Variants in FLYWCH1 observed in about 807,000 individuals in gnomAD.
The protein encoded by FLYWCH1 is FLYWCH-type zinc finger 1.
In FLYWCH1, 75 loss-of-function variants were observed where a neutral mutation model predicts 66.4. The ratio of observed to expected loss-of-function variants is 1.13; its 90% confidence interval spans 0.94 to 1.37. The LOEUF (loss-of-function observed/expected upper bound fraction) is 1.37, where lower values mean the gene tolerates loss of function less well. Among genes scored for constraint, FLYWCH1 ranks in the 40% most tolerant of loss-of-function variants. FLYWCH1 has a pLI of 0.00. For missense variants in FLYWCH1, 1,334 were observed against 1,001.8 expected (o/e 1.33, Z -4.48); for synonymous variants, 595 against 429.9 (o/e 1.38, Z -4.75).
At chr16:2,948,384 C>T (rs2071570732) in intron 9 of FLYWCH1, among the ~76,000 whole-genome samples, 1 of 151,816 alleles carries the variant, frequency 6.6e-6, no homozygotes, top group Non-Finnish European at 1.5e-5. Context: ...CATGGTGAAA[C>T]CCCGTCTCTA....
At chr16:2,925,634 T>G (rs1019899298) in intron 2 of FLYWCH1, among the ~76,000 whole-genome samples, 2 of 150,524 alleles carry the variant, frequency 1.3e-5, no homozygotes, top group African/African-American at 4.8e-5. Flanking sequence ...GCCGCTCTGC[T>G]CGAGAGGCGC....
At chr16:2,912,849 C>T (rs2070038280) in intron 1 of FLYWCH1, among the ~76,000 whole-genome samples, 2 of 152,212 alleles carry the variant, frequency 1.3e-5, no homozygotes, top group Admixed American at 1.3e-4. Context: ...GGAAGCTGAA[C>T]TCCCATAGTC....
intron 2 of FLYWCH1, 61 bp from the exon 3 acceptor site, chr16:2,929,552 A>T: frequency 8.4e-7 from 1 of 1,194,246 alleles, no homozygotes; most frequent in East Asian, 2.6e-5. Context: ...TCCCTCCCAG[A>T]TCCACGTCTA....
At position 2,937,034 on chromosome 16, in the gene FLYWCH1, C is replaced by T. The variant is rs749968468; in HGVS notation, c.1514-87C>T. Reference sequence around the variant, plus strand: ...CCTCACTGTGAGGAGGAGGTGTGGGCGTTGTGGGAGGTCTCATCTCGGGGC... The same window carrying T: ...CCTCACTGTGAGGAGGAGGTGTGGGTGTTGTGGGAGGTCTCATCTCGGGGC... On this transcript the variant is annotated intron_variant, in intron 6 of 9. Coordinates refer to ENST00000253928, the MANE Select transcript of FLYWCH1 (RefSeq NM_001308068.2). 6.4e-6 allele frequency: 9 copies of T among 1,406,488 alleles called. No individual in the cohort carries two copies. In the Admixed American group the frequency reaches 1.0e-4, roughly 16 times the overall value. The allele number at this position is 1,406,488 out of a possible 1,614,324, so 87.1% of individuals were successfully genotyped here. A position where few individuals can be genotyped will look rare whatever the true frequency, so the allele number is the denominator to read the frequency against.
intron 2 of FLYWCH1, among the ~76,000 whole-genome samples, chr16:2,920,767 C>T (rs749288550): frequency 6.6e-6 from 1 of 151,466 alleles, no homozygotes; most frequent in Non-Finnish European, 1.5e-5. Flanking sequence ...TCTCAAACTC[C>T]CCACCTCAGG....
chr16:2,923,499 G>A (rs1268105633), intron 2 of FLYWCH1, among the ~76,000 whole-genome samples: 2 of 152,244 alleles, frequency 1.3e-5, no homozygotes, highest in East Asian at 3.9e-4. Context: ...GCCCGCCTCA[G>A]CCTCCCAAAG....
intron 2 of FLYWCH1, among the ~76,000 whole-genome samples, chr16:2,927,562 T>C (rs2070614515): frequency 6.6e-6 from 1 of 152,206 alleles, no homozygotes. Context: ...GCTATCCTAA[T>C]GGCTCAAGCA....
intron 9 of FLYWCH1, among the ~76,000 whole-genome samples, chr16:2,948,012 G>C (rs1207674788): frequency 6.6e-6 from 1 of 152,084 alleles, no homozygotes; most frequent in Non-Finnish European, 1.5e-5. Flanking sequence ...CTGCACTCCA[G>C]CCTGGGTGAC....
chr16:2,930,085 C>A, intron 3 of FLYWCH1, 75 bp downstream of exon 3: 3 of 1,296,618 alleles, frequency 2.3e-6, no homozygotes, highest in Non-Finnish European at 3.2e-6. Context: ...GTACACCCTG[C>A]TTCAAGCATA....
intron 7 of FLYWCH1, 109 bp from the exon 8 acceptor site, chr16:2,938,074 TA>T: frequency 9.2e-7 from 1 of 1,088,284 alleles, no homozygotes; most frequent in Middle Eastern, 3.1e-4. Flanking sequence ...TGCAGCGTGC[TA>T]GGGGATCGCA....
chr16:2,930,351 G>A (rs2070716604), intron 3 of FLYWCH1, 59 bp from the exon 4 acceptor site: 2 of 1,116,632 alleles, frequency 1.8e-6, no homozygotes, highest in East Asian at 5.4e-5. Flanking sequence ...CTGGCTCTCT[G>A]TGCCTGCGAC....
intron 2 of FLYWCH1, among the ~76,000 whole-genome samples, chr16:2,919,817 TA>T (rs2070305863): frequency 2.0e-5 from 3 of 152,154 alleles, no homozygotes; most frequent in Admixed American, 2.0e-4. Context: ...ACCAAGGCAA[TA>T]GGAACATTTC....
intron 9 of FLYWCH1, among the ~76,000 whole-genome samples, chr16:2,946,218 A>T (rs2071479996): frequency 6.6e-6 from 1 of 151,736 alleles, no homozygotes; most frequent in Non-Finnish European, 1.5e-5. Flanking sequence ...CAGGACATAC[A>T]CTAATGCTTT....
intron 9 of FLYWCH1, among the ~76,000 whole-genome samples, chr16:2,944,685 T>A (rs1003016130): frequency 2.7e-5 from 4 of 150,728 alleles, no homozygotes; most frequent in Non-Finnish European, 5.9e-5. Flanking sequence ...TAGCTAGGCA[T>A]GGTGGCGCCA....
At chr16:2,942,348 A>G (rs891541650) in intron 9 of FLYWCH1, among the ~76,000 whole-genome samples, 69 of 151,998 alleles carry the variant, frequency 4.5e-4, no homozygotes, top group African/African-American at 1.6e-3. Flanking sequence ...GGGTTTTCCC[A>G]TGTTGTCCAG....
intron 2 of FLYWCH1, among the ~76,000 whole-genome samples, chr16:2,916,777 A>C (rs1363995895): frequency 6.6e-6 from 1 of 152,074 alleles, no homozygotes; most frequent in East Asian, 1.9e-4. Context: ...ATTTGGGCAA[A>C]TTCCTCTCTT....
At chr16:2,932,809 T>G (rs553769806) in intron 4 of FLYWCH1, among the ~76,000 whole-genome samples, 83 of 151,734 alleles carry the variant, frequency 5.5e-4, no homozygotes, top group Non-Finnish European at 1.1e-3. Context: ...TGATGCAACA[T>G]TGAGCAGGCC....
chr16:2,917,355 G>A (rs1196729145), intron 2 of FLYWCH1, among the ~76,000 whole-genome samples: 4 of 150,086 alleles, frequency 2.7e-5, no homozygotes, highest in Non-Finnish European at 5.9e-5. Context: ...TCAGCCTCCC[G>A]AGTAGCTGGG....
In FLYWCH1 at chr16:2,934,117, T is replaced by C. The variant is rs1050763185; in HGVS notation, c.1513+138T>C. The C allele has an allele frequency of 4.1e-5, 47 of 1,132,650 alleles. No individual in the cohort carries two copies. The East Asian group carries it at 8.1e-4, about 19-fold the overall frequency. 70.2% of individuals were successfully genotyped at this position (1,132,650 alleles called of 1,614,324 possible). The stretch of plus-strand genomic sequence containing the variant: ...AACATCCTAGAAGGAACTATGGCCC[T>C]GGCCTCCTACTCCTTGGCCCCCCTG... On this transcript the variant is annotated intron_variant, in intron 6 of 9. Transcript: ENST00000253928.
Sources: gnomAD v4.1 joint callset for allele counts (sites outside exome capture counted in the v4.1 genomes callset) on GRCh38, gnomAD v4.1.1 for gene constraint, MANE v1.5 for transcripts, NCBI Gene and HGNC (gene_info 2026-07-23, HGNC 2026-07-21) for gene names.